Variants in ARMC3 observed in about 807,000 individuals in gnomAD.
ARMC3 encodes the protein armadillo repeat-containing protein 3.
In ARMC3, 74 loss-of-function variants were observed where a neutral mutation model predicts 90.3. The observed-to-expected ratio is 0.82, with a 90% confidence interval of 0.68 to 0.99. The LOEUF (loss-of-function observed/expected upper bound fraction) is 0.99. Ranked by LOEUF, ARMC3 falls within the 50% of genes least tolerant of loss-of-function variation. The pLI is 0.00. For missense variants in ARMC3, 958 were observed against 1,042.8 expected, an observed-to-expected ratio of 0.92 and a Z score of 1.12; for synonymous variants, 334 against 361.8, an observed-to-expected ratio of 0.92 and a Z score of 0.87.
In ARMC3 at chr10:22,959,475, AT is replaced by A. The variant is rs1264995152; in HGVS notation, c.441del (p.Phe147LeufsTer6). ...CAGAGTACACCAGTAAAGTGCAAATATTTGAACATGGGGGATTAGAGCCACT... is the reference window on the plus strand; with the variant it reads ...CAGAGTACACCAGTAAAGTGCAAATATTGAACATGGGGGATTAGAGCCACT... ...SAEYTSKVQI[F>X]EHGGLEPLIR... On this transcript the variant is annotated frameshift_variant, in exon 6 of 19. Transcript: ENST00000298032. LOFTEE classifies it high-confidence loss of function. The A allele has an allele frequency of 6.8e-6, 11 of 1,613,996 alleles. No homozygotes were observed. Among genetic ancestry groups the A allele is most frequent in the Non-Finnish European group, 9.3e-6 (11 of 1,179,962 alleles).
intron 8 of ARMC3, among the ~76,000 whole-genome samples, chr10:22,975,294 C>A (rs1432787468): frequency 6.6e-6 from 1 of 152,180 alleles, no homozygotes; most frequent in Non-Finnish European, 1.5e-5. Flanking sequence ...GTGGCTCACG[C>A]CTGTACTCCC....
At chr10:23,036,805 GGAC>G (rs1340347423) in intron 18 of ARMC3, among the ~76,000 whole-genome samples, 4 of 152,236 alleles carry the variant, frequency 2.6e-5, no homozygotes. Context: ...AGGAGCCCTA[GGAC>G]CAGGCACCCA....
intron 10 of ARMC3, among the ~76,000 whole-genome samples, chr10:22,994,175 T>C (rs918327969): frequency 1.3e-5 from 2 of 152,180 alleles, no homozygotes; most frequent in African/African-American, 4.8e-5. Context: ...GAAAAGACAT[T>C]TGTGCTGAGC....
intron 6 of ARMC3, chr10:22,961,676 G>C: frequency 2.0e-6 from 1 of 499,768 alleles, no homozygotes; most frequent in East Asian, 3.5e-5. Flanking sequence ...ATTTTCTGTT[G>C]TAGACAATGT....
chr10:22,929,060 T>C (rs937367211), intron 1 of ARMC3, among the ~76,000 whole-genome samples: 1 of 151,990 alleles, frequency 6.6e-6, no homozygotes, highest in Non-Finnish European at 1.5e-5. Context: ...AACCTGTCTC[T>C]ACTGAAAATA....
At chr10:22,992,318 C>G (rs1050986268) in intron 10 of ARMC3, among the ~76,000 whole-genome samples, 1 of 152,222 alleles carries the variant, frequency 6.6e-6, no homozygotes, top group East Asian at 1.9e-4. Context: ...ATAATGTCAC[C>G]GCGGCTGCAA....
In ARMC3 at chr10:23,006,015, G is replaced by A. The variant is rs576297729; in HGVS notation, c.1732-869G>A. ...GCAGTCAGGTGGGTATCACTGAGAG[G>A]GTGATCATTTCCAAGCCAAAACTTG... On this transcript the variant is annotated intron_variant, in intron 13 of 18. Transcript: ENST00000298032. Among the ~76,000 whole-genome samples the A allele has an allele frequency of 3.4e-4, 52 of 152,260 alleles. 1 individual carries two copies. In the East Asian group the frequency reaches 9.5e-3, roughly 28 times the overall value.
intron 10 of ARMC3, among the ~76,000 whole-genome samples, chr10:22,982,400 C>T (rs965928337): frequency 6.6e-6 from 1 of 152,138 alleles, no homozygotes; most frequent in African/African-American, 2.4e-5. Flanking sequence ...ACAAACAAAC[C>T]AAAGCATATT....
chr10:22,939,948 T>C (rs1834258045), intron 2 of ARMC3, among the ~76,000 whole-genome samples: 1 of 152,170 alleles, frequency 6.6e-6, no homozygotes, highest in East Asian at 1.9e-4. Context: ...ACAACCACAT[T>C]GGATATAAAT....
rs1837640104 is a variant in ARMC3 at position 23,006,879 on chromosome 10, C to G, written c.1732-5C>G. 6.2e-7 allele frequency: 1 copy of G among 1,613,734 alleles called. No individual in the cohort carries two copies. The highest frequency in any genetic ancestry group is 8.5e-7 in the Non-Finnish European group (1 of 1,179,688). ...CTACTTTTTGGTCCTTAAATTATCTCACAGATAAATCCCGGCACCAAACTG... is the reference window on the plus strand; with the variant it reads ...CTACTTTTTGGTCCTTAAATTATCTGACAGATAAATCCCGGCACCAAACTG... On this transcript the variant is annotated splice_polypyrimidine_tract_variant and splice_region_variant and intron_variant, in intron 13 of 18. Coordinates refer to ENST00000298032, the MANE Select transcript of ARMC3 (RefSeq NM_173081.5).
intron 4 of ARMC3, 143 bp downstream of exon 4, chr10:22,956,075 C>G (rs1267719006): frequency 5.3e-6 from 4 of 747,816 alleles, no homozygotes; most frequent in African/African-American, 1.8e-5. Context: ...TATAATGCAG[C>G]AAATGTGTGA....
At chr10:22,962,465 A>G (rs527921130) in intron 7 of ARMC3, among the ~76,000 whole-genome samples, 1 of 152,260 alleles carries the variant, frequency 6.6e-6, no homozygotes, top group Admixed American at 6.5e-5. Context: ...CTTAAGAATC[A>G]AACTTTAAGA....
At chr10:23,001,573 T>C (rs771440618) in intron 11 of ARMC3, among the ~76,000 whole-genome samples, 36 of 152,164 alleles carry the variant, frequency 2.4e-4, no homozygotes, top group Non-Finnish European at 4.1e-4. Context: ...ACTCTGTCTA[T>C]CACTGAGCTG....
At chr10:23,004,368 A>G (rs959537105) in intron 13 of ARMC3, among the ~76,000 whole-genome samples, 2 of 152,132 alleles carry the variant, frequency 1.3e-5, no homozygotes, top group Admixed American at 6.5e-5. Flanking sequence ...GCAGACTTCA[A>G]ACAATTTTAA....
At chr10:23,029,361 T>G (rs888020741) in intron 16 of ARMC3, among the ~76,000 whole-genome samples, 1 of 152,202 alleles carries the variant, frequency 6.6e-6, no homozygotes, top group African/African-American at 2.4e-5. Flanking sequence ...CTATTTACTT[T>G]TCAGAGTCCT....
chr10:22,932,196 A>T, intron 2 of ARMC3, 152 bp downstream of exon 2: 1 of 545,036 alleles, frequency 1.8e-6, no homozygotes, highest in Middle Eastern at 4.0e-4. Context: ...GAGAAATCTA[A>T]CATTACATAA....
chr10:22,948,927 A>T (rs188475695), intron 3 of ARMC3, among the ~76,000 whole-genome samples: 62 of 152,340 alleles, frequency 4.1e-4, no homozygotes, highest in African/African-American at 1.4e-3. Flanking sequence ...TGAGGGTAAT[A>T]GTTGGAACAA....
At chr10:22,928,394 G>A (rs1366849160) in intron 1 of ARMC3, among the ~76,000 whole-genome samples, 2 of 152,146 alleles carry the variant, frequency 1.3e-5, no homozygotes, top group East Asian at 3.9e-4. Context: ...CTCAGAAGTG[G>A]CCTCGATTTC....
chr10:22,939,381 G>A (rs897000181), intron 2 of ARMC3, among the ~76,000 whole-genome samples: 8 of 152,138 alleles, frequency 5.3e-5, no homozygotes, highest in Non-Finnish European at 1.0e-4. Context: ...CAACTCTCAG[G>A]GTGCCGTTAA....
Sources: allele counts gnomAD v4.1 joint callset (sites outside exome capture counted in the v4.1 genomes callset), GRCh38; gene constraint gnomAD v4.1.1; transcripts MANE v1.5; gene names NCBI Gene and HGNC (gene_info 2026-07-23, HGNC 2026-07-21).